Variants in SLCO3A1 observed in about 807,000 individuals in gnomAD.
The protein encoded by SLCO3A1 is PGE1 transporter.
Under a neutral mutation model 63.1 loss-of-function variants are expected in SLCO3A1, and 27 were observed. The ratio of observed to expected loss-of-function variants is 0.43; its 90% CI spans 0.32 to 0.59. The LOEUF is 0.59. Ranked by LOEUF, SLCO3A1 falls within the 20% of genes least tolerant of loss-of-function variation. SLCO3A1 has a pLI of 0.09. For synonymous variants in SLCO3A1, 473 were observed against 409.9 expected (o/e 1.15, Z -1.86); for missense variants, 773 against 945.8 (o/e 0.82, Z 2.40).
intron 2 of SLCO3A1, among the ~76,000 whole-genome samples, chr15:91,957,904 G>T (rs899719243): frequency 6.6e-5 from 10 of 152,076 alleles, no homozygotes; most frequent in Non-Finnish European, 2.9e-5. Flanking sequence ...GCATGGCCTG[G>T]CACATAACAG....
intron 2 of SLCO3A1, among the ~76,000 whole-genome samples, chr15:91,988,577 G>T (rs2046085364): frequency 6.6e-6 from 1 of 152,098 alleles, no homozygotes; most frequent in Non-Finnish European, 1.5e-5. Context: ...TCAAAATCCT[G>T]TGGGTCCTTT....
rs1357782929 is a variant in SLCO3A1 at position 91,968,616 on chromosome 15, A to G, written c.646+52158A>G. ...AAGGAGTGAGAAGAAGCCAGGGTAG[A>G]AACAAGCGACCCCTGCTTCCATGTG... is the stretch of plus-strand genomic sequence containing the variant. On this transcript the variant is annotated intron_variant, in intron 2 of 9. Transcript: ENST00000318445. The surrounding 1 kb of genome is among the most constrained non-coding windows in gnomAD (Gnocchi z 4.2). Among the ~76,000 whole-genome samples the G allele has an allele frequency of 2.6e-5, 4 of 152,288 alleles. No homozygotes were observed. In the East Asian group the frequency reaches 7.7e-4, roughly 29 times the overall value.
intron 1 of SLCO3A1, among the ~76,000 whole-genome samples, chr15:91,858,644 G>A (rs913490021): frequency 2.0e-5 from 3 of 152,190 alleles, no homozygotes; most frequent in Non-Finnish European, 2.9e-5. Flanking sequence ...CAGTGGCACC[G>A]CCTTGCTAAT....
chr15:91,982,338 C>G (rs1213733281), intron 2 of SLCO3A1, among the ~76,000 whole-genome samples: 3 of 152,246 alleles, frequency 2.0e-5, no homozygotes, highest in Non-Finnish European at 4.4e-5. Flanking sequence ...GTTCACAGTC[C>G]AGCCTTGGCT....
chr15:92,091,024 C>G (rs369215119), intron 2 of SLCO3A1, among the ~76,000 whole-genome samples: 3 of 152,298 alleles, frequency 2.0e-5, no homozygotes, highest in East Asian at 1.9e-4. Context: ...TGTTCATACT[C>G]TCACCTGGAC....
rs1053804145 is a variant in SLCO3A1 at position 92,147,054 on chromosome 15, C to G, written c.1583C>G (p.Pro528Arg). 3 of 1,614,158 alleles carry G rather than the reference C, an allele frequency of 1.9e-6. No individual in the cohort carries two copies. The highest frequency in any genetic ancestry group is 2.5e-6 in the Non-Finnish European group (3 of 1,180,026). Residue 528 changes from proline (P) to arginine (R), a missense_variant, in exon 8 of 10, where the codon CCC (proline) becomes CGC (arginine). Around this residue, in one of 3 missense-constraint regions of SLCO3A1, gnomAD observed 565 missense variants for 749.8 expected, o/e 0.75. Coordinates refer to ENST00000318445, the MANE Select transcript of SLCO3A1 (RefSeq NM_013272.4). ...GCAACCGTGGTTCCTGGAAAATGCC[C>G]CAGTCCTGGGTGCCAAGAGGCCTTC... is the stretch of plus-strand genomic sequence containing the variant. ...ENATVVPGKC[P>R]SPGCQEAFLT... is the part of the protein sequence containing the mutation.
intron 2 of SLCO3A1, among the ~76,000 whole-genome samples, chr15:92,074,177 A>G (rs1438120175): frequency 1.3e-5 from 2 of 152,372 alleles, no homozygotes; most frequent in African/African-American, 2.4e-5. Context: ...TTCTGAAAAA[A>G]TAAAGAGAAC....
intron 2 of SLCO3A1, among the ~76,000 whole-genome samples, chr15:92,057,523 G>T (rs2047036227): frequency 6.6e-6 from 1 of 152,196 alleles, no homozygotes; most frequent in Admixed American, 6.5e-5. Flanking sequence ...TATCTTCCCA[G>T]AAGTGCAGAA....
In SLCO3A1 at chr15:92,052,036, G is replaced by A. The variant is rs114506558; in HGVS notation, c.647-42845G>A. Among the ~76,000 whole-genome samples the A allele has an allele frequency of 5.7e-3, 866 of 152,166 alleles. 11 individuals are homozygous for A. The highest frequency in any genetic ancestry group is 0.019 in the African/African-American group (801 of 41,514). ...AGCAGGCTCCGGTCTCCTAATCCCC[G>A]GGCTCCAGGGTTCTCGAATTCAGAG... On this transcript the variant is annotated intron_variant, in intron 2 of 9. Transcript: ENST00000318445.
intron 2 of SLCO3A1, among the ~76,000 whole-genome samples, chr15:92,067,784 A>ATCATAAAC (rs1555429635): frequency 3.9e-5 from 6 of 152,006 alleles, no homozygotes; most frequent in African/African-American, 1.5e-4. Flanking sequence ...GTAACAGAAT[A>ATCATAAAC]CCATAAACTG....
intron 2 of SLCO3A1, among the ~76,000 whole-genome samples, chr15:91,973,536 G>A (rs903041424): frequency 3.3e-5 from 5 of 152,328 alleles, no homozygotes; most frequent in Middle Eastern, 3.4e-3. Context: ...ATCATGGTGC[G>A]TTTGAAGGGA....
At chr15:92,118,626 A>G (rs563797556) in intron 4 of SLCO3A1, among the ~76,000 whole-genome samples, 17 of 152,286 alleles carry the variant, frequency 1.1e-4, no homozygotes, top group African/African-American at 3.9e-4. Flanking sequence ...GAGCCTGATA[A>G]TTAGCTCTCT....
At chr15:92,130,267 C>T (rs751251229) in intron 7 of SLCO3A1, among the ~76,000 whole-genome samples, 3 of 152,240 alleles carry the variant, frequency 2.0e-5, no homozygotes, top group Non-Finnish European at 2.9e-5. Context: ...GCTGAAACAG[C>T]GAAGCTGGAG....
At chr15:91,904,709 T>C (rs1358511383) in intron 1 of SLCO3A1, among the ~76,000 whole-genome samples, 1 of 152,190 alleles carries the variant, frequency 6.6e-6, no homozygotes, top group Non-Finnish European at 1.5e-5. Context: ...AAACTAAAAT[T>C]GGACTTTGTT....
chr15:91,953,265 A>G (rs1295132970), intron 2 of SLCO3A1, among the ~76,000 whole-genome samples: 3 of 152,218 alleles, frequency 2.0e-5, no homozygotes, highest in Non-Finnish European at 4.4e-5. Context: ...ACCTTCACTG[A>G]ATAGACACTT....
chr15:91,932,001 G>T (rs535864698), intron 2 of SLCO3A1, among the ~76,000 whole-genome samples: 36 of 152,320 alleles, frequency 2.4e-4, no homozygotes, highest in African/African-American at 8.4e-4. Context: ...GTAGTCTGCA[G>T]TGGTGACTGT....
intron 2 of SLCO3A1, among the ~76,000 whole-genome samples, chr15:92,089,393 G>C (rs1749698576): frequency 6.6e-6 from 1 of 150,992 alleles, no homozygotes; most frequent in South Asian, 2.1e-4. Flanking sequence ...GTGCAGGGTG[G>C]GGTCTTCCTG....
At chr15:92,145,179 C>T (rs946801238) in intron 7 of SLCO3A1, among the ~76,000 whole-genome samples, 3 of 152,054 alleles carry the variant, frequency 2.0e-5, no homozygotes, top group Admixed American at 6.6e-5. Flanking sequence ...TTAGCCCCAC[C>T]GGATTCATGC....
chr15:91,988,934 T>G (rs2046090167), intron 2 of SLCO3A1, among the ~76,000 whole-genome samples: 1 of 152,168 alleles, frequency 6.6e-6, no homozygotes, highest in Admixed American at 6.5e-5. Flanking sequence ...ACATCAACTA[T>G]GTGTACAGTT....
Sources: gnomAD v4.1 joint callset for allele counts (sites outside exome capture counted in the v4.1 genomes callset) on GRCh38, gnomAD v4.1.1 for gene constraint, gnomAD v4.1.1 regional missense constraint, Gnocchi (gnomAD v3.1) non-coding constraint, MANE v1.5 for transcripts, NCBI Gene and HGNC (gene_info 2026-07-23, HGNC 2026-07-21) for gene names.